The following NCALD variants were observed in gnomAD, a reference collection of about 807,000 sequenced individuals.
NCALD encodes the protein neurocalcin-delta.
NCALD carries 10 observed loss-of-function variants against 18.6 expected under a neutral mutation model. The observed-to-expected ratio is 0.54, with a 90% CI of 0.33 to 0.91. The LOEUF (loss-of-function observed/expected upper bound fraction) is 0.91. Ranked by LOEUF, NCALD falls within the 40% of genes least tolerant of loss-of-function variation. The pLI, the probability that NCALD is intolerant of heterozygous loss-of-function variation, is 0.03. For synonymous variants in NCALD, 88 were observed against 87.4 expected (o/e 1.01, Z -0.04); for missense variants, 184 against 247.6 (o/e 0.74, Z 1.72).
intron 3 of NCALD, among the ~76,000 whole-genome samples, chr8:101,899,811 A>G (rs1417412177): frequency 3.3e-5 from 5 of 152,022 alleles, no homozygotes; most frequent in African/African-American, 1.2e-4. Context: ...TATCTTTATA[A>G]GAGTAGTTAG....
intron 1 of NCALD, among the ~76,000 whole-genome samples, chr8:102,083,248 CT>C (rs1192713664): frequency 1.3e-5 from 2 of 152,174 alleles, no homozygotes; most frequent in Admixed American, 6.5e-5. Context: ...CCAAGAAGAC[CT>C]TTTTCTTGAA....
chr8:101,880,167 G>A (rs1396003851), intron 4 of NCALD, among the ~76,000 whole-genome samples: 1 of 152,164 alleles, frequency 6.6e-6, no homozygotes, highest in African/African-American at 2.4e-5. Context: ...GAGGCCCGGC[G>A]AGAATTCGAG....
At chr8:101,791,176 A>T (rs768507582), upstream of NCALD, among the ~76,000 whole-genome samples, 3 of 152,222 alleles carry the variant, frequency 2.0e-5, no homozygotes, top group African/African-American at 4.8e-5. Flanking sequence ...CATCACGGAC[A>T]GCTCCTTGAC....
intron 2 of NCALD, among the ~76,000 whole-genome samples, chr8:102,018,531 G>GA (rs199602993): frequency 0.015 from 2,304 of 152,230 alleles, 75 homozygotes; most frequent in African/African-American, 0.053. Flanking sequence ...ATATATTCTG[G>GA]AAAAAAGAGA....
At chr8:101,828,564 T>A (rs1219454292) in intron 4 of NCALD, among the ~76,000 whole-genome samples, 1 of 151,622 alleles carries the variant, frequency 6.6e-6, no homozygotes, top group Non-Finnish European at 1.5e-5. Context: ...TCCTTCTTTT[T>A]TTTTTTTGCC....
At chr8:101,690,304 G>T in intron 3 of NCALD, 3 of 984,892 alleles carry the variant, frequency 3.0e-6, no homozygotes, top group Non-Finnish European at 3.6e-6. Flanking sequence ...GGAGTGAAGT[G>T]ACATGCTCGA....
At chr8:101,824,480 T>C (rs1813850130) in intron 4 of NCALD, among the ~76,000 whole-genome samples, 1 of 142,402 alleles carries the variant, frequency 7.0e-6, no homozygotes, top group Non-Finnish European at 1.5e-5. Context: ...TTTTATTTTA[T>C]TTTTTTTTTT....
At position 101,715,101 on chromosome 8, in the gene NCALD, A is replaced by G. The variant is rs1484806356; in HGVS notation, c.378+4151T>C. Among the ~76,000 whole-genome samples, 3 of 152,190 alleles carry G rather than the reference A, an allele frequency of 2.0e-5. No homozygotes were observed. In the East Asian group the frequency reaches 5.8e-4, roughly 29 times the overall value. Reference sequence around the variant, plus strand: ...CCAAAACGGCATGGTACTAGTACCAAAACACCATGGTACTGGTACCAAAAC... The same window carrying G: ...CCAAAACGGCATGGTACTAGTACCAGAACACCATGGTACTGGTACCAAAAC... On this transcript the variant is annotated intron_variant, in intron 2 of 3. Transcript: ENST00000220931.
intron 2 of NCALD, among the ~76,000 whole-genome samples, chr8:102,014,416 C>G (rs1222904551): frequency 6.6e-6 from 1 of 152,054 alleles, no homozygotes; most frequent in African/African-American, 2.4e-5. Context: ...CTCTTAAAAC[C>G]ATCTCTTTGG....
chr8:101,805,796 G>C (rs958964284), intron 4 of NCALD, among the ~76,000 whole-genome samples: 13 of 152,194 alleles, frequency 8.5e-5, no homozygotes, highest in African/African-American at 3.1e-4. Flanking sequence ...AGACCAGCTA[G>C]TTTATCAAAG....
At chr8:101,810,281 TTGTC>T (rs1186178206) in intron 4 of NCALD, among the ~76,000 whole-genome samples, 2 of 152,190 alleles carry the variant, frequency 1.3e-5, no homozygotes, top group Non-Finnish European at 2.9e-5. Context: ...CTTGATTGTA[TTGTC>T]TGTAAGTTGG....
chr8:101,826,705 C>T (rs1176669933), intron 4 of NCALD, among the ~76,000 whole-genome samples: 2 of 152,282 alleles, frequency 1.3e-5, no homozygotes, highest in East Asian at 3.9e-4. Flanking sequence ...CCATTATTTG[C>T]TATTTATAAA....
intron 1 of NCALD, among the ~76,000 whole-genome samples, chr8:101,738,436 C>T (rs532908690): frequency 1.3e-5 from 2 of 150,938 alleles, no homozygotes; most frequent in East Asian, 3.9e-4. Flanking sequence ...CCCAGTTACT[C>T]GGGAAGGTGA....
intron 3 of NCALD, among the ~76,000 whole-genome samples, chr8:101,902,452 G>A (rs996266346): frequency 6.6e-6 from 1 of 152,200 alleles, no homozygotes; most frequent in African/African-American, 2.4e-5. Flanking sequence ...CACGCAGGCT[G>A]ATGTGACTCA....
At chr8:101,901,788 C>CTT (rs35531844) in intron 3 of NCALD, among the ~76,000 whole-genome samples, 40,764 of 150,622 alleles carry the variant, frequency 0.27, 5,845 homozygotes, top group East Asian at 0.37. Flanking sequence ...TTGCATTACT[C>CTT]TTTTCTCTTC....
intron 1 of NCALD, among the ~76,000 whole-genome samples, chr8:102,073,533 T>C (rs553064417): frequency 1.1e-5 from 1 of 87,600 alleles, no homozygotes; most frequent in East Asian, 2.2e-4. Flanking sequence ...ATTTTATGCT[T>C]TTTTTTTTTA....
At chr8:101,823,600 T>G (rs903643175) in intron 4 of NCALD, among the ~76,000 whole-genome samples, 1 of 151,972 alleles carries the variant, frequency 6.6e-6, no homozygotes, top group Admixed American at 6.6e-5. Context: ...ATGTCAACAG[T>G]ATGAAAAAAA....
chr8:101,944,956 T>C (rs905040246), intron 2 of NCALD, among the ~76,000 whole-genome samples: 3 of 152,214 alleles, frequency 2.0e-5, no homozygotes, highest in Admixed American at 6.5e-5. Context: ...CCTTTCCTTT[T>C]AGTTGGGGCT....
intron 4 of NCALD, among the ~76,000 whole-genome samples, chr8:101,798,657 T>A (rs1812727759): frequency 6.6e-6 from 1 of 152,194 alleles, no homozygotes; most frequent in Admixed American, 6.5e-5. Context: ...TATAAAATTA[T>A]TCTGAAATTT....
Sources: allele counts gnomAD v4.1 joint callset (sites outside exome capture counted in the v4.1 genomes callset), GRCh38; gene constraint gnomAD v4.1.1; transcripts MANE v1.5; gene names NCBI Gene and HGNC (gene_info 2026-07-23, HGNC 2026-07-21).